The following UTRN variants were observed in gnomAD, a reference collection of about 807,000 sequenced individuals.
The protein encoded by UTRN is utrophin.
UTRN carries 283 observed loss-of-function variants against 463.9 expected under a neutral mutation model. The observed-to-expected ratio is 0.61, with a 90% CI of 0.55 to 0.67. UTRN has a LOEUF of 0.67. Ranked by LOEUF, UTRN falls within the 30% of genes least tolerant of loss-of-function variation. The pLI is 0.00. For missense variants in UTRN, 3,922 were observed against 4,084.3 expected (o/e 0.96, Z 1.08); for synonymous variants, 1,442 against 1,431.5 (o/e 1.01, Z -0.17).
At chr6:144,493,233 G>C (rs1793234622) in intron 32 of UTRN, 68 bp from the exon 33 acceptor site, 7 of 1,510,104 alleles carry the variant, frequency 4.6e-6, no homozygotes, top group Non-Finnish European at 5.5e-6. Context: ...GCTGTGGTCT[G>C]ACATGATGCC....
intron 2 of UTRN, among the ~76,000 whole-genome samples, chr6:144,342,790 T>A (rs528189753): frequency 6.6e-6 from 1 of 152,280 alleles, no homozygotes; most frequent in African/African-American, 2.4e-5. Flanking sequence ...TTATACAGTG[T>A]AAATGAGCTA....
intron 51 of UTRN, among the ~76,000 whole-genome samples, chr6:144,664,257 A>G (rs1780165267): frequency 6.6e-6 from 1 of 152,194 alleles, no homozygotes; most frequent in African/African-American, 2.4e-5. Flanking sequence ...GGGAGCTTTC[A>G]GGGTAACAGG....
At chr6:144,726,255 T>C (rs1787868148) in intron 53 of UTRN, among the ~76,000 whole-genome samples, 1 of 152,206 alleles carries the variant, frequency 6.6e-6, no homozygotes, top group Non-Finnish European at 1.5e-5. Context: ...CAGTGGTCTT[T>C]GTGGCCTGAC....
At chr6:144,565,761 C>T (rs1208212821) in intron 50 of UTRN, among the ~76,000 whole-genome samples, 1 of 151,948 alleles carries the variant, frequency 6.6e-6, no homozygotes, top group African/African-American at 2.4e-5. Flanking sequence ...TTGGAAAGAG[C>T]AATTTGGAGG....
At chr6:144,454,448 A>G (rs1788625392) in intron 19 of UTRN, among the ~76,000 whole-genome samples, 1 of 152,162 alleles carries the variant, frequency 6.6e-6, no homozygotes, top group East Asian at 1.9e-4. Context: ...GCAGTTTTGC[A>G]TATGAATCTC....
chr6:144,633,960 A>T (rs1180928356), intron 51 of UTRN, among the ~76,000 whole-genome samples: 1 of 152,268 alleles, frequency 6.6e-6, no homozygotes, highest in African/African-American at 2.4e-5. Context: ...GATGTGCAGG[A>T]ATAGGCATTC....
chr6:144,382,039 A>G (rs1340239708), intron 2 of UTRN, among the ~76,000 whole-genome samples: 2 of 152,156 alleles, frequency 1.3e-5, no homozygotes, highest in African/African-American at 2.4e-5. Context: ...CTTTTTAATA[A>G]TAGCCATTCT....
intron 2 of UTRN, among the ~76,000 whole-genome samples, chr6:144,338,413 AG>A (rs977504855): frequency 1.3e-5 from 2 of 152,132 alleles, no homozygotes; most frequent in African/African-American, 4.8e-5. Flanking sequence ...GAAGATATTA[AG>A]GGGAGTTAAT....
chr6:144,320,011 G>A (rs1426969236), intron 2 of UTRN, among the ~76,000 whole-genome samples: 2 of 151,978 alleles, frequency 1.3e-5, no homozygotes, highest in Non-Finnish European at 1.5e-5. Flanking sequence ...GTGCCACCAC[G>A]CCCGGCTAGT....
chr6:144,318,197 A>G lies in UTRN; in HGVS notation c.79+26290A>G, dbSNP rs138181539. Among the ~76,000 whole-genome samples, 8 of 152,362 alleles carry G rather than the reference A, an allele frequency of 5.3e-5. No individual in the cohort carries two copies. The South Asian group carries it at 1.7e-3, about 32-fold the overall frequency. On this transcript the variant is annotated intron_variant, in intron 2 of 74. Transcript: ENST00000367545. ...ATTCTTCAAAGGAAAATTTTCCTTC[A>G]GTGTATTCCATCTTTCTTACTTCTT...
chr6:144,583,664 A>G (rs1585395059), intron 51 of UTRN: 1 of 495,332 alleles, frequency 2.0e-6, no homozygotes, highest in East Asian at 3.1e-5. Flanking sequence ...CTCAGGCTCT[A>G]AAAACTAATC....
At chr6:144,732,809 T>C (rs935994868) in intron 54 of UTRN, among the ~76,000 whole-genome samples, 1 of 152,034 alleles carries the variant, frequency 6.6e-6, no homozygotes, top group African/African-American at 2.4e-5. Flanking sequence ...CGTCCCAGGA[T>C]CAAGTGATCA....
chr6:144,586,780 T>G (rs767437330), intron 51 of UTRN, among the ~76,000 whole-genome samples: 1 of 152,058 alleles, frequency 6.6e-6, no homozygotes, highest in Non-Finnish European at 1.5e-5. Context: ...GATATGAACA[T>G]TATAGAAAAA....
At chr6:144,725,246 G>T (rs550523128) in intron 53 of UTRN, among the ~76,000 whole-genome samples, 1 of 152,186 alleles carries the variant, frequency 6.6e-6, no homozygotes, top group African/African-American at 2.4e-5. Flanking sequence ...CATGTAAGAC[G>T]TCCCTTTGCT....
At chr6:144,556,755 G>A (rs1333305773) in intron 49 of UTRN, among the ~76,000 whole-genome samples, 3 of 152,132 alleles carry the variant, frequency 2.0e-5, no homozygotes, top group African/African-American at 2.4e-5. Context: ...GATGGAAGAC[G>A]TCCATGTTGT....
intron 2 of UTRN, among the ~76,000 whole-genome samples, chr6:144,301,958 G>A (rs1212516375): frequency 6.6e-6 from 1 of 152,080 alleles, no homozygotes; most frequent in Non-Finnish European, 1.5e-5. Context: ...GACTTCGCTT[G>A]TTTTGTGTTC....
chr6:144,748,487 G>C lies in UTRN; in HGVS notation c.8181G>C (p.Ser2727=), dbSNP rs530090138. The change falls in exon 55 of 75, where the codon TCG becomes TCC. Residue 2727 remains serine, a synonymous_variant. Transcript: ENST00000367545. The stretch of plus-strand genomic sequence containing the variant: ...CCGTGGGAGACTTACTCATTGACTC[G>C]CTGCAGGATCACATTGAAAAAATCA... ...WKPVGDLLID[S]LQDHIEKIMA... is the part of the protein sequence containing the mutation. 1.2e-5 allele frequency: 19 copies of C among 1,613,624 alleles called. No individual in the cohort carries two copies. In the South Asian group the frequency reaches 2.0e-4, roughly 17 times the overall value.
rs756166344 is a variant in UTRN, at chr6:144,523,080, A to G, written c.5798A>G (p.Asp1933Gly). The change falls in exon 41 of 75, where the codon GAT (aspartate) becomes GGT (glycine). Residue 1933 changes from aspartate (D) to glycine (G), a missense_variant. Transcript: ENST00000367545. ...GCAGTCATTCATGAAAAACAGCCAG[A>G]TGTCATCCTTGAAGCCTCTGGACCT... ...QIAVIHEKQPDVILEASGPEA... is the reference protein window; with the variant it reads ...QIAVIHEKQPGVILEASGPEA... The G allele has an allele frequency of 2.3e-5, 37 of 1,613,316 alleles. No individual in the cohort carries two copies. The Admixed American group carries it at 2.7e-4, about 12-fold the overall frequency.
rs115960909 is a variant in UTRN at position 144,640,949 on chromosome 6, T to C, written c.7480-37457T>C. Among the ~76,000 whole-genome samples, 805 of 152,306 alleles carry C rather than the reference T, an allele frequency of 5.3e-3. 6 individuals are homozygous for C. The highest frequency in any genetic ancestry group is 0.019 in the African/African-American group (779 of 41,556). On this transcript the variant is annotated intron_variant, in intron 51 of 74. Transcript: ENST00000367545. ...GTAAATAAAGTGAAATAAAAGATTT[T>C]TTTCCTTTGAAATTGAGGAAGATCA...
Sources: allele counts gnomAD v4.1 joint callset (sites outside exome capture counted in the v4.1 genomes callset), GRCh38; gene constraint gnomAD v4.1.1; transcripts MANE v1.5; gene names NCBI Gene and HGNC (gene_info 2026-07-23, HGNC 2026-07-21).